The following RPH3AL variants were observed in gnomAD, a reference collection of about 807,000 sequenced individuals.
The protein encoded by RPH3AL is rab effector Noc2.
Under a neutral mutation model 43.1 loss-of-function variants are expected in RPH3AL, and 38 were observed. The ratio of observed to expected loss-of-function variants is 0.88; its 90% CI spans 0.68 to 1.15. The LOEUF is 1.15. Ranked by LOEUF, RPH3AL falls within the 50% of genes most tolerant of loss-of-function variation. The pLI is 0.00. For synonymous variants in RPH3AL, 189 were observed against 176.3 expected (o/e 1.07, Z -0.57); for missense variants, 462 against 423.2 (o/e 1.09, Z -0.81).
At chr17:265,454 T>C (rs1212600460) in intron 6 of RPH3AL, among the ~76,000 whole-genome samples, 2 of 152,210 alleles carry the variant, frequency 1.3e-5, no homozygotes, top group African/African-American at 4.8e-5. Flanking sequence ...AAGTTATATA[T>C]ATATGCATAC....
At chr17:299,875 G>A (rs12936405) in intron 5 of RPH3AL, among the ~76,000 whole-genome samples, 88,070 of 152,206 alleles carry the variant, frequency 0.58, 25,719 homozygotes, top group African/African-American at 0.61. Flanking sequence ...CAGGGAAGAC[G>A]GCCACTGAGC....
chr17:229,736 G>GCT (rs1300057739), intron 7 of RPH3AL, among the ~76,000 whole-genome samples: 2 of 152,216 alleles, frequency 1.3e-5, no homozygotes, highest in Non-Finnish European at 2.9e-5. Context: ...CACACAGCCT[G>GCT]CTCTTCCAAA....
At chr17:315,124 AGTCTCTGTGCTCC>A (rs2043910301) in intron 5 of RPH3AL, among the ~76,000 whole-genome samples, 1 of 147,738 alleles carries the variant, frequency 6.8e-6, no homozygotes, top group Non-Finnish European at 1.5e-5. Flanking sequence ...ATTGACCTGT[AGTCTCTGTGCTCC>A]ACCTCCATTG....
chr17:259,444 G>C (rs74541888), intron 6 of RPH3AL, among the ~76,000 whole-genome samples: 19,949 of 152,102 alleles, frequency 0.13, 1,576 homozygotes, highest in Non-Finnish European at 0.17. Context: ...CCTTAATCAC[G>C]TAACTTCTGC....
chr17:301,922 C>T (rs996651471), intron 5 of RPH3AL, among the ~76,000 whole-genome samples: 13 of 152,184 alleles, frequency 8.5e-5, no homozygotes, highest in Non-Finnish European at 1.5e-4. Flanking sequence ...CTGCCCATCT[C>T]CTGGGGGCCA....
At position 281,635 on chromosome 17, in the gene RPH3AL, C is replaced by T. The variant is rs2042780475; in HGVS notation, c.438+133G>A. On this transcript the variant is annotated intron_variant, in intron 6 of 9. Transcript: ENST00000331302. Reference sequence around the variant, plus strand: ...TGGAGAAACCCCTCCCAGTGACTGTCCACCCATCCCCATCTGAGAGCGTAT... The same window carrying T: ...TGGAGAAACCCCTCCCAGTGACTGTTCACCCATCCCCATCTGAGAGCGTAT... 11 of 683,864 alleles carry T rather than the reference C, an allele frequency of 1.6e-5. No homozygotes were observed. The South Asian group carries it at 1.7e-4, about 11-fold the overall frequency. The allele number at this position is 683,864 out of a possible 1,614,324, so 42.4% of individuals were successfully genotyped here. A position where few individuals can be genotyped will look rare whatever the true frequency, so the allele number is the denominator to read the frequency against.
intron 6 of RPH3AL, among the ~76,000 whole-genome samples, chr17:258,097 A>C (rs1394387963): frequency 6.6e-6 from 1 of 152,106 alleles, no homozygotes; most frequent in Non-Finnish European, 1.5e-5. Context: ...TTCCTTTCTG[A>C]GGCTGAGCAA....
rs367774234 is a variant in RPH3AL, at chr17:349,514, A to AT, written c.-213+3197dup. 1.1e-4 allele frequency: 16 copies of AT among 152,258 alleles called. 1 individual carries two copies. The highest frequency in any genetic ancestry group is 3.9e-4 in the African/African-American group (16 of 41,524). The allele number at this position is 152,258 out of a possible 1,614,324, so 9.4% of individuals were successfully genotyped here. On this transcript the variant is annotated intron_variant, in intron 1 of 9. Coordinates refer to ENST00000331302, the MANE Select transcript of RPH3AL (RefSeq NM_006987.4). ...TTAAATGCACGTTCTATCCCACCAC[A>AT]TATTGATTATTTCAAAAATTAAAAT...
At chr17:314,733 G>C (rs2043845835) in intron 5 of RPH3AL, among the ~76,000 whole-genome samples, 4 of 146,940 alleles carry the variant, frequency 2.7e-5, no homozygotes, top group Non-Finnish European at 5.9e-5. Context: ...CTGACCTGTA[G>C]TCTCTGTGCT....
chr17:352,204 C>G (rs1415428941), intron 1 of RPH3AL, among the ~76,000 whole-genome samples: 1 of 152,172 alleles, frequency 6.6e-6, no homozygotes, highest in African/African-American at 2.4e-5. Context: ...AGCCCCTGAG[C>G]CAGTCTTGCA....
chr17:278,001 C>T (rs2042694200), intron 6 of RPH3AL, among the ~76,000 whole-genome samples: 1 of 152,004 alleles, frequency 6.6e-6, no homozygotes, highest in African/African-American at 2.4e-5. Context: ...TAAGTCCTTA[C>T]AAAGGTCTCT....
intron 7 of RPH3AL, among the ~76,000 whole-genome samples, chr17:224,673 G>A (rs1271884081): frequency 6.6e-6 from 1 of 152,192 alleles, no homozygotes; most frequent in African/African-American, 2.4e-5. Flanking sequence ...CAAGAGTGAT[G>A]AGCATGGACT....
chr17:319,361 C>T lies in RPH3AL; in HGVS notation c.351+59G>A, dbSNP rs933775460. The T allele has an allele frequency of 3.2e-5, 51 of 1,578,306 alleles. 2 individuals carry two copies. The highest frequency in any genetic ancestry group is 3.1e-4 in the South Asian group (27 of 86,158). On this transcript the variant is annotated intron_variant, in intron 5 of 9. Transcript: ENST00000331302. ...TGGGAGCCAGGATGCAAAGCCACAG[C>T]GCAGCGGGGCTGGTCCAGGCTGGGA...
Position 213,487 on chromosome 17 carries a change from C to T in RPH3AL, c.*365G>A. On this transcript the variant is annotated 3_prime_UTR_variant, in exon 10 of 10. Coordinates refer to ENST00000331302, the MANE Select transcript of RPH3AL (RefSeq NM_006987.4). The stretch of plus-strand genomic sequence containing the variant: ...TCATTTAGTCTTGCCATTAATATAG[C>T]AACGGAGATAGCCCCACCGGGCGGC... 2.8e-6 allele frequency: 1 copy of T among 352,472 alleles called. No individual in the cohort carries two copies. The highest frequency in any genetic ancestry group is 5.3e-6 in the Non-Finnish European group (1 of 187,512). 21.8% of individuals were successfully genotyped at this position (352,472 alleles called of 1,614,324 possible). A position where few individuals can be genotyped will look rare whatever the true frequency, so the allele number is the denominator to read the frequency against.
At chr17:318,224 A>G (rs112655915) in intron 5 of RPH3AL, among the ~76,000 whole-genome samples, 2,014 of 152,100 alleles carry the variant, frequency 0.013, 59 homozygotes, top group African/African-American at 0.046. Context: ...CTCTACTAAA[A>G]TTCAAAAATT....
Position 322,917 on chromosome 17 carries a change from T to C in RPH3AL, c.78-1502A>G, listed in dbSNP as rs1567522894. Among the ~76,000 whole-genome samples the C allele has an allele frequency of 2.6e-5, 4 of 152,246 alleles. No homozygotes were observed. The East Asian group carries it at 5.8e-4, about 22-fold the overall frequency. On this transcript the variant is annotated intron_variant, in intron 3 of 9. Coordinates refer to ENST00000331302, the MANE Select transcript of RPH3AL (RefSeq NM_006987.4). This position sits in a 1 kb window ranked among gnomAD's most constrained non-coding sequence, Gnocchi z 4.0. ...AGTCTTATCTTCTGGTCCCGTCCCT[T>C]CCCAGATGCGAGACCTCGGATGAGG...
intron 6 of RPH3AL, among the ~76,000 whole-genome samples, chr17:251,013 C>G (rs545484995): frequency 1.3e-5 from 2 of 152,352 alleles, no homozygotes; most frequent in East Asian, 3.9e-4. Context: ...GGATGGTTTT[C>G]CTAGAGAAAC....
intron 6 of RPH3AL, among the ~76,000 whole-genome samples, chr17:268,839 T>C (rs1597977385): frequency 6.6e-6 from 1 of 151,848 alleles, no homozygotes; most frequent in Non-Finnish European, 1.5e-5. Context: ...GCTGGGACTA[T>C]AGGTTCATGC....
chr17:229,084 C>T (rs916414225), intron 7 of RPH3AL, among the ~76,000 whole-genome samples: 1 of 152,206 alleles, frequency 6.6e-6, no homozygotes, highest in Non-Finnish European at 1.5e-5. Flanking sequence ...AGAATCTAAT[C>T]CACCCCCTCC....
Sources: allele counts gnomAD v4.1 joint callset (sites outside exome capture counted in the v4.1 genomes callset), GRCh38; gene constraint gnomAD v4.1.1; non-coding constraint Gnocchi (gnomAD v3.1); transcripts MANE v1.5; gene names NCBI Gene and HGNC (gene_info 2026-07-23, HGNC 2026-07-21).